Variants in KIF13B observed in about 807,000 individuals in gnomAD.
The protein encoded by KIF13B is kinesin family member 13B, also known as kinesin-like protein KIF13B.
A neutral mutation model predicts 222.0 loss-of-function variants in KIF13B; 127 were observed. The observed-to-expected ratio is 0.57, with a 90% CI of 0.50 to 0.66. KIF13B has a LOEUF of 0.66. Among genes scored for constraint, KIF13B ranks in the 30% least tolerant of loss-of-function variants. The pLI is 0.00. For missense variants in KIF13B, 2,173 were observed against 2,379.0 expected (o/e 0.91, Z 1.80); for synonymous variants, 976 against 919.0 (o/e 1.06, Z -1.12).
chr8:29,119,201 T>C (rs139010772), intron 29 of KIF13B, among the ~76,000 whole-genome samples: 25 of 152,348 alleles, frequency 1.6e-4, no homozygotes, highest in Non-Finnish European at 3.7e-4. Context: ...TCATCCAATC[T>C]GCTACACTTA....
chr8:29,160,555 T>C (rs1000027562), intron 13 of KIF13B, among the ~76,000 whole-genome samples, 178 bp downstream of exon 13: 3 of 152,236 alleles, frequency 2.0e-5, no homozygotes, highest in African/African-American at 4.8e-5. Context: ...CATTTTTTTA[T>C]ATTGTCAGGT....
intron 14 of KIF13B, among the ~76,000 whole-genome samples, chr8:29,151,237 A>T (rs1811284215): frequency 6.6e-6 from 1 of 152,224 alleles, no homozygotes; most frequent in African/African-American, 2.4e-5. Context: ...AACTGGGAGA[A>T]GTGAGGAAGC....
intron 37 of KIF13B, among the ~76,000 whole-genome samples, chr8:29,078,258 G>A (rs1807656972): frequency 6.7e-6 from 1 of 149,188 alleles, no homozygotes; most frequent in Non-Finnish European, 1.5e-5. Flanking sequence ...TAGTGCCATT[G>A]CATCACTCCA....
chr8:29,196,258 AAAT>A, intron 2 of KIF13B, 59 bp from the exon 3 acceptor site: 8 of 1,471,678 alleles, frequency 5.4e-6, no homozygotes, highest in Non-Finnish European at 7.3e-6. Context: ...AAAAAAAAAA[AAAT>A]TTAGTTTAGA....
intron 29 of KIF13B, among the ~76,000 whole-genome samples, chr8:29,119,659 C>T (rs1284001326): frequency 6.6e-6 from 1 of 152,162 alleles, no homozygotes; most frequent in Non-Finnish European, 1.5e-5. Flanking sequence ...CACCCAAATA[C>T]AAGCACCTCA....
chr8:29,246,754 T>A (rs1039273796), intron 1 of KIF13B, among the ~76,000 whole-genome samples: 1 of 152,214 alleles, frequency 6.6e-6, no homozygotes, highest in Admixed American at 6.5e-5. Context: ...GAAAGACATA[T>A]ATAAATCGAT....
intron 13 of KIF13B, among the ~76,000 whole-genome samples, chr8:29,156,461 C>T (rs1008490746): frequency 1.1e-4 from 17 of 152,016 alleles, no homozygotes; most frequent in African/African-American, 3.9e-4. Context: ...ACTTTAGTTC[C>T]GTTTTTTTCC....
chr8:29,112,294 G>A (rs565350033), intron 32 of KIF13B, among the ~76,000 whole-genome samples: 4 of 152,096 alleles, frequency 2.6e-5, no homozygotes, highest in African/African-American at 4.8e-5. Context: ...TTAGCTGGGC[G>A]TGGTGGCACG....
Position 29,126,468 on chromosome 8 carries a change from A to C in KIF13B, c.3252+14T>G, listed in dbSNP as rs377624574. On this transcript the variant is annotated intron_variant, in intron 26 of 39. Transcript: ENST00000524189. Reference sequence around the variant, plus strand: ...CATGCTTATTTGAGATGAGATTAACAGGTGCTAAATTACCTGGTAGCTGTC... The same window carrying C: ...CATGCTTATTTGAGATGAGATTAACCGGTGCTAAATTACCTGGTAGCTGTC... 2.7e-5 allele frequency: 41 copies of C among 1,510,528 alleles called. No individual in the cohort carries two copies. In the African/African-American group the frequency reaches 4.6e-4, roughly 17 times the overall value. The allele number at this position is 1,510,528 out of a possible 1,614,324, so 93.6% of individuals were successfully genotyped here.
At chr8:29,256,188 C>T (rs565963805) in intron 1 of KIF13B, among the ~76,000 whole-genome samples, 5 of 152,308 alleles carry the variant, frequency 3.3e-5, no homozygotes, top group African/African-American at 1.2e-4. Context: ...TTGACTGAGA[C>T]TAGAACTCAT....
chr8:29,132,211 A>C, intron 23 of KIF13B, 97 bp downstream of exon 23: 2 of 928,126 alleles, frequency 2.2e-6, no homozygotes, highest in Non-Finnish European at 3.0e-6. Context: ...GTGCCACTGC[A>C]CTCCAGCCTG....
chr8:29,164,776 T>C (rs1563753617), intron 12 of KIF13B, among the ~76,000 whole-genome samples: 2 of 151,930 alleles, frequency 1.3e-5, no homozygotes, highest in South Asian at 2.1e-4. Context: ...TATTATTAGG[T>C]AGACAGACTT....
intron 37 of KIF13B, 141 bp downstream of exon 37, chr8:29,092,604 A>G: frequency 1.2e-6 from 1 of 804,298 alleles, no homozygotes; most frequent in Non-Finnish European, 1.9e-6. Flanking sequence ...GTGGCGGAGA[A>G]AAGACCGACA....
intron 24 of KIF13B, 77 bp from the exon 25 acceptor site, chr8:29,127,345 G>T: frequency 8.0e-7 from 1 of 1,251,290 alleles, no homozygotes. Context: ...ACCCCTACAG[G>T]CTGATGTTGA....
chr8:29,080,428 A>C (rs1807756030), intron 37 of KIF13B, among the ~76,000 whole-genome samples: 1 of 151,666 alleles, frequency 6.6e-6, no homozygotes, highest in African/African-American at 2.4e-5. Context: ...AGGGGCCTGG[A>C]AGAGAGGAAA....
chr8:29,237,859 T>C (rs1563815729), intron 2 of KIF13B, among the ~76,000 whole-genome samples: 2 of 152,222 alleles, frequency 1.3e-5, no homozygotes, highest in African/African-American at 4.8e-5. Flanking sequence ...TCAAAAGTAG[T>C]AAATGATCAC....
intron 2 of KIF13B, among the ~76,000 whole-genome samples, chr8:29,224,994 T>C (rs1297334022): frequency 6.6e-6 from 1 of 152,106 alleles, no homozygotes. Context: ...CTGGCAAACA[T>C]GAGTACAGTG....
At chr8:29,263,102 C>T (rs1816751360), upstream of KIF13B, 4 of 1,488,914 alleles carry the variant, frequency 2.7e-6, no homozygotes, top group South Asian at 1.2e-5. Flanking sequence ...TCGGGGTTGA[C>T]CCGGCGGGAG....
intron 2 of KIF13B, among the ~76,000 whole-genome samples, chr8:29,230,454 C>A (rs1190850142): frequency 6.6e-6 from 1 of 152,166 alleles, no homozygotes; most frequent in Non-Finnish European, 1.5e-5. Context: ...GGCAAAGGGA[C>A]CAGACAGGCC....
Sources: allele counts gnomAD v4.1 joint callset (sites outside exome capture counted in the v4.1 genomes callset), GRCh38; gene constraint gnomAD v4.1.1; transcripts MANE v1.5; gene names NCBI Gene and HGNC (gene_info 2026-07-23, HGNC 2026-07-21).